CNTNAP5: variants seen among roughly 807,000 people sequenced by gnomAD.
The protein encoded by CNTNAP5 is contactin-associated protein-like 5.
CNTNAP5 carries 72 observed loss-of-function variants against 150.2 expected under a neutral mutation model. The observed-to-expected ratio is 0.48, with a 90% CI of 0.40 to 0.58. The LOEUF (loss-of-function observed/expected upper bound fraction) is 0.58, where lower values mean the gene tolerates loss of function less well. Ranked by LOEUF, CNTNAP5 falls within the 20% of genes least tolerant of loss-of-function variation. The pLI is 0.00. For synonymous variants in CNTNAP5, 672 were observed against 619.8 expected, an observed-to-expected ratio of 1.08 and a Z score of -1.25; for missense variants, 1,636 against 1,626.2, an observed-to-expected ratio of 1.01 and a Z score of -0.10.
At chr2:124,871,325 A>C (rs1361522363) in intron 21 of CNTNAP5, among the ~76,000 whole-genome samples, 7 of 148,132 alleles carry the variant, frequency 4.7e-5, no homozygotes, top group African/African-American at 1.8e-4. Flanking sequence ...TTTACCTTTA[A>C]TCTTGGAAGA....
intron 21 of CNTNAP5, among the ~76,000 whole-genome samples, chr2:124,878,874 G>T (rs765896408): frequency 5.3e-5 from 8 of 151,632 alleles, no homozygotes; most frequent in Non-Finnish European, 8.8e-5. Flanking sequence ...GTAGAGATGG[G>T]GTTTCACCAT....
intron 17 of CNTNAP5, among the ~76,000 whole-genome samples, chr2:124,782,794 G>T (rs1681482713): frequency 6.6e-6 from 1 of 152,078 alleles, no homozygotes; most frequent in Admixed American, 6.5e-5. Context: ...CATACCCTAT[G>T]ACCAACAGTT....
chr2:124,544,482 C>T (rs1406222490), intron 10 of CNTNAP5, among the ~76,000 whole-genome samples: 5 of 152,136 alleles, frequency 3.3e-5, no homozygotes, highest in Non-Finnish European at 7.3e-5. Context: ...GGAATATCCC[C>T]CCTTATAACT....
chr2:124,083,532 G>C (rs1010296931), intron 1 of CNTNAP5, among the ~76,000 whole-genome samples: 1 of 151,750 alleles, frequency 6.6e-6, no homozygotes, highest in Non-Finnish European at 1.5e-5. Context: ...AGTTTTTACT[G>C]TTTTTTTCTA....
At chr2:124,459,697 G>A (rs4608528) in intron 6 of CNTNAP5, among the ~76,000 whole-genome samples, 30,431 of 148,284 alleles carry the variant, frequency 0.21, 3,369 homozygotes, top group East Asian at 0.34. Context: ...GTTGGAGGTT[G>A]TAGTGACTCG....
chr2:124,393,310 T>C (rs932756457), intron 3 of CNTNAP5, among the ~76,000 whole-genome samples: 1 of 152,294 alleles, frequency 6.6e-6, no homozygotes, highest in African/African-American at 2.4e-5. Context: ...TCCCCAGTGA[T>C]TGCTCATGTG....
At chr2:124,630,923 A>G (rs1558712089) in intron 12 of CNTNAP5, among the ~76,000 whole-genome samples, 1 of 152,128 alleles carries the variant, frequency 6.6e-6, no homozygotes, top group African/African-American at 2.4e-5. Context: ...ATTCCTATAC[A>G]CCAACAAAAG....
At chr2:124,255,576 A>AT (rs1687291136) in intron 3 of CNTNAP5, among the ~76,000 whole-genome samples, 2 of 50,126 alleles carry the variant, frequency 4.0e-5, no homozygotes, top group African/African-American at 7.3e-5. Flanking sequence ...AAATAAAATA[A>AT]AATAAAATAA....
intron 13 of CNTNAP5, among the ~76,000 whole-genome samples, chr2:124,725,001 G>T (rs1009067957): frequency 7.4e-6 from 1 of 134,320 alleles, no homozygotes; most frequent in Admixed American, 8.2e-5. Flanking sequence ...GAAATTCAAC[G>T]TACTGACTTT....
chr2:124,169,694 AATTATT>A (rs1267921818), intron 1 of CNTNAP5, among the ~76,000 whole-genome samples: 1 of 152,168 alleles, frequency 6.6e-6, no homozygotes, highest in Non-Finnish European at 1.5e-5. Flanking sequence ...CCCAATTATT[AATTATT>A]ATTGTTTGTT....
At chr2:124,565,963 T>TA (rs1292762297) in intron 11 of CNTNAP5, among the ~76,000 whole-genome samples, 1 of 151,604 alleles carries the variant, frequency 6.6e-6, no homozygotes, top group Non-Finnish European at 1.5e-5. Flanking sequence ...TTTTTTTTTT[T>TA]TTGCAGATCC....
chr2:124,060,349 C>T (rs1004548768), intron 1 of CNTNAP5, among the ~76,000 whole-genome samples: 2 of 152,158 alleles, frequency 1.3e-5, no homozygotes, highest in Non-Finnish European at 2.9e-5. Context: ...TGAAAAACAG[C>T]TGGAGGTGGC....
intron 6 of CNTNAP5, among the ~76,000 whole-genome samples, chr2:124,468,482 G>T (rs985419366): frequency 6.6e-6 from 1 of 152,128 alleles, no homozygotes; most frequent in African/African-American, 2.4e-5. Flanking sequence ...CTTCTGTCTG[G>T]TTTTTCTAGC....
chr2:124,907,515 T>C (rs969605827), intron 22 of CNTNAP5, among the ~76,000 whole-genome samples: 1 of 148,308 alleles, frequency 6.7e-6, no homozygotes, highest in Non-Finnish European at 1.5e-5. Context: ...GTATGTATAA[T>C]ATATACATAA....
At position 124,899,954 on chromosome 2, in the gene CNTNAP5, T is replaced by C. The variant is rs114915779; in HGVS notation, c.3437-2928T>C. Among the ~76,000 whole-genome samples the C allele has an allele frequency of 7.1e-3, 1,074 of 151,484 alleles. 61 individuals are homozygous for C. The highest frequency in any genetic ancestry group is 0.025 in the African/African-American group (1,005 of 40,864). ...ATTTTTTAGATAATTTATGTAAAAT[T>C]ATTTTACTCTATACAGGAGATATTT... On this transcript the variant is annotated intron_variant, in intron 21 of 23. Transcript: ENST00000682447.
chr2:124,234,246 G>A (rs1202211979), intron 2 of CNTNAP5, among the ~76,000 whole-genome samples: 1 of 152,124 alleles, frequency 6.6e-6, no homozygotes, highest in African/African-American at 2.4e-5. Context: ...AGCAGCAGAT[G>A]GGCAGAGTTA....
At chr2:124,417,189 C>T (rs1158402295) in intron 3 of CNTNAP5, among the ~76,000 whole-genome samples, 1 of 152,060 alleles carries the variant, frequency 6.6e-6, no homozygotes, top group Non-Finnish European at 1.5e-5. Flanking sequence ...CCGCTTGCCT[C>T]AGCCTCCCAA....
intron 1 of CNTNAP5, among the ~76,000 whole-genome samples, chr2:124,063,092 G>T (rs1380739938): frequency 6.6e-6 from 1 of 151,888 alleles, no homozygotes; most frequent in Admixed American, 6.6e-5. Context: ...TGTTGTTCCA[G>T]CAAAAAGATC....
At chr2:124,718,194 A>G (rs1406539250) in intron 13 of CNTNAP5, among the ~76,000 whole-genome samples, 1 of 152,208 alleles carries the variant, frequency 6.6e-6, no homozygotes, top group Non-Finnish European at 1.5e-5. Context: ...AAAAGCTTTG[A>G]ATTATAAAAA....
Sources: allele counts gnomAD v4.1 joint callset (sites outside exome capture counted in the v4.1 genomes callset), GRCh38; gene constraint gnomAD v4.1.1; transcripts MANE v1.5; gene names NCBI Gene and HGNC (gene_info 2026-07-23, HGNC 2026-07-21).